Variants in TFEC observed in about 807,000 individuals in gnomAD.
The protein encoded by TFEC is class E basic helix-loop-helix protein 34.
Under a neutral mutation model 41.6 loss-of-function variants are expected in TFEC, and 31 were observed. The ratio of observed to expected loss-of-function variants is 0.74; its 90% CI spans 0.56 to 1.01. The LOEUF (loss-of-function observed/expected upper bound fraction) is 1.01, where lower values mean the gene tolerates loss of function less well. Among genes scored for constraint, TFEC ranks in the 50% least tolerant of loss-of-function variants. The pLI, the probability that TFEC is intolerant of heterozygous loss-of-function variation, is 0.00. For missense variants in TFEC, 402 were observed against 404.1 expected, an observed-to-expected ratio of 0.99 and a Z score of 0.04; for synonymous variants, 143 against 140.6, an observed-to-expected ratio of 1.02 and a Z score of -0.12.
chr7:115,949,459 G>A (rs1268814002), intron 6 of TFEC, among the ~76,000 whole-genome samples: 2 of 152,004 alleles, frequency 1.3e-5, no homozygotes, highest in Non-Finnish European at 2.9e-5. Flanking sequence ...ATACTACAAG[G>A]CTACAGTAAC....
intron 1 of TFEC, among the ~76,000 whole-genome samples, chr7:116,141,899 G>A (rs972574647): frequency 4.6e-5 from 7 of 152,284 alleles, no homozygotes; most frequent in East Asian, 3.9e-4. Context: ...ATAAATAGTC[G>A]CTCATGTTAA....
At chr7:116,039,628 A>T (rs1795988134) in intron 3 of TFEC, among the ~76,000 whole-genome samples, 1 of 152,096 alleles carries the variant, frequency 6.6e-6, no homozygotes, top group African/African-American at 2.4e-5. Context: ...CCAGGAAACT[A>T]ATAACTATAA....
chr7:115,964,651 T>G lies in TFEC; in HGVS notation c.268-7858A>C, dbSNP rs1049393439. 4.0e-5 allele frequency among the ~76,000 whole-genome samples: 6 copies of G among 151,764 alleles called. No homozygotes were observed. In the South Asian group the frequency reaches 1.2e-3, roughly 31 times the overall value. On this transcript the variant is annotated intron_variant, in intron 3 of 7. Coordinates refer to ENST00000265440, the MANE Select transcript of TFEC (RefSeq NM_012252.4). ...CCATTTATTATAAAACTCAGTTTAT[T>G]AGGAATAGAATTTTGGTAATTTAAT...
At chr7:116,147,061 C>T (rs867909817) in intron 1 of TFEC, among the ~76,000 whole-genome samples, 6 of 151,814 alleles carry the variant, frequency 4.0e-5, no homozygotes, top group Admixed American at 6.6e-5. Flanking sequence ...CAAAATGAAA[C>T]ACAGAGAATC....
At chr7:116,140,183 A>C (rs1798512893) in intron 1 of TFEC, among the ~76,000 whole-genome samples, 1 of 152,214 alleles carries the variant, frequency 6.6e-6, no homozygotes. Flanking sequence ...CCAAGACTGG[A>C]GGATTGACTT....
At chr7:116,055,832 CTAT>C (rs1397740616) in intron 3 of TFEC, among the ~76,000 whole-genome samples, 2 of 151,970 alleles carry the variant, frequency 1.3e-5, no homozygotes, top group Non-Finnish European at 2.9e-5. Flanking sequence ...CCAGATATTT[CTAT>C]TATTGTTTCT....
intron 5 of TFEC, among the ~76,000 whole-genome samples, chr7:115,953,772 T>A (rs1792072358): frequency 6.6e-6 from 1 of 152,096 alleles, no homozygotes; most frequent in Admixed American, 6.6e-5. Context: ...AACATCACTG[T>A]GACACAGGCA....
rs553599898 is a variant in TFEC at position 115,962,725 on chromosome 7, T to A, written c.268-5932A>T. ...CAAATACATAAACATAAGAAAAAAA[T>A]CTATAAAACAACCCTCACAGGGGGA... On this transcript the variant is annotated intron_variant, in intron 3 of 7. Coordinates refer to ENST00000265440, the MANE Select transcript of TFEC (RefSeq NM_012252.4). Among the ~76,000 whole-genome samples, 25 of 151,652 alleles carry A rather than the reference T, an allele frequency of 1.6e-4. 2 individuals are homozygous for A. The South Asian group carries it at 5.2e-3, about 32-fold the overall frequency.
At chr7:116,018,525 T>C (rs1335457124) in intron 1 of TFEC, among the ~76,000 whole-genome samples, 1 of 152,032 alleles carries the variant, frequency 6.6e-6, no homozygotes, top group East Asian at 1.9e-4. Context: ...AAAAAACAGG[T>C]GTAAGTGAGA....
chr7:116,039,695 T>G (rs916426617), intron 3 of TFEC, among the ~76,000 whole-genome samples: 1 of 151,948 alleles, frequency 6.6e-6, no homozygotes, highest in Non-Finnish European at 1.5e-5. Flanking sequence ...ACCAGAGAGA[T>G]AGAAAAAAAG....
At chr7:116,063,364 C>G (rs1012749014) in intron 3 of TFEC, among the ~76,000 whole-genome samples, 11 of 152,120 alleles carry the variant, frequency 7.2e-5, no homozygotes, top group Admixed American at 7.2e-4. Flanking sequence ...CGCCTGTAAT[C>G]CCAGCACTTT....
chr7:116,017,086 G>A (rs1795220026), intron 1 of TFEC, among the ~76,000 whole-genome samples: 2 of 152,122 alleles, frequency 1.3e-5, no homozygotes, highest in African/African-American at 4.8e-5. Flanking sequence ...TGCATACTGT[G>A]AATCCTTCAT....
intron 3 of TFEC, among the ~76,000 whole-genome samples, chr7:116,098,065 T>A (rs1797511021): frequency 6.6e-6 from 1 of 152,192 alleles, no homozygotes; most frequent in Admixed American, 6.5e-5. Context: ...GCAAGGTGGA[T>A]AAAAACATGA....
intron 1 of TFEC, among the ~76,000 whole-genome samples, chr7:115,987,048 T>C (rs1238894624): frequency 6.6e-6 from 1 of 152,066 alleles, no homozygotes. Context: ...AAGAATACCA[T>C]CTCCTCTTCA....
chr7:116,011,607 T>C (rs1454016921), intron 1 of TFEC, among the ~76,000 whole-genome samples: 1 of 152,172 alleles, frequency 6.6e-6, no homozygotes, highest in Non-Finnish European at 1.5e-5. Context: ...TTAACAATAT[T>C]ATATGGTTAT....
intron 1 of TFEC, among the ~76,000 whole-genome samples, chr7:116,151,847 T>G (rs1319711119): frequency 6.6e-6 from 1 of 152,178 alleles, no homozygotes; most frequent in Non-Finnish European, 1.5e-5. Context: ...TTTCACTGGG[T>G]TAAATATTTG....
chr7:116,114,924 G>C (rs1797945957), intron 1 of TFEC, among the ~76,000 whole-genome samples: 1 of 151,708 alleles, frequency 6.6e-6, no homozygotes, highest in Admixed American at 6.6e-5. Context: ...TGGGGAGAGA[G>C]GACATTTGAC....
intron 3 of TFEC, among the ~76,000 whole-genome samples, chr7:116,040,935 C>T (rs765862385): frequency 6.6e-6 from 1 of 152,140 alleles, no homozygotes; most frequent in Non-Finnish European, 1.5e-5. Flanking sequence ...TATACTGTCA[C>T]AGCTTAAGAA....
intron 3 of TFEC, among the ~76,000 whole-genome samples, chr7:116,060,817 T>C (rs1032822438): frequency 6.6e-6 from 1 of 152,064 alleles, no homozygotes; most frequent in Non-Finnish European, 1.5e-5. Flanking sequence ...GTGACACTTG[T>C]TTACCTATAT....
Sources: gnomAD v4.1 joint callset for allele counts (sites outside exome capture counted in the v4.1 genomes callset) on GRCh38, gnomAD v4.1.1 for gene constraint, MANE v1.5 for transcripts, NCBI Gene and HGNC (gene_info 2026-07-23, HGNC 2026-07-21) for gene names.